ST3GAL3: variants seen among roughly 807,000 people sequenced by gnomAD.
ST3GAL3 encodes ST3 beta-galactoside alpha-2,3-sialyltransferase 3, also known as CMP-N-acetylneuraminate-beta-1,4-galactoside alpha-2,3-sialyltransferase.
Under a neutral mutation model 50.1 loss-of-function variants are expected in ST3GAL3, and 21 were observed. The observed-to-expected ratio is 0.42, with a 90% CI of 0.30 to 0.60. The LOEUF is 0.60. Among genes scored for constraint, ST3GAL3 ranks in the 20% least tolerant of loss-of-function variants. The probability of loss-of-function intolerance (pLI) is 0.19; values close to 1 mark genes in which losing one functional copy is unlikely to be tolerated. For synonymous variants in ST3GAL3, 183 were observed against 190.0 expected, an observed-to-expected ratio of 0.96 and a Z score of 0.30; for missense variants, 353 against 489.4, an observed-to-expected ratio of 0.72 and a Z score of 2.63.
chr1:43,750,999 G>A (rs1685848797), intron 2 of ST3GAL3, among the ~76,000 whole-genome samples: 2 of 152,084 alleles, frequency 1.3e-5, no homozygotes, highest in Non-Finnish European at 2.9e-5. Context: ...ATATGACAGA[G>A]AGATGATATT....
chr1:43,809,002 A>G (rs961825342), intron 3 of ST3GAL3, among the ~76,000 whole-genome samples: 1 of 152,246 alleles, frequency 6.6e-6, no homozygotes, highest in Non-Finnish European at 1.5e-5. Flanking sequence ...ACTGTTTCCA[A>G]GTGACTTAAT....
intron 4 of ST3GAL3, among the ~76,000 whole-genome samples, chr1:43,818,774 AC>A (rs1359876514): frequency 6.6e-6 from 1 of 152,188 alleles, no homozygotes; most frequent in Non-Finnish European, 1.5e-5. Flanking sequence ...TCTGAAAAAA[AC>A]AATGAACTTC....
At chr1:43,846,368 A>ATTT (rs1170582287) in intron 5 of ST3GAL3, among the ~76,000 whole-genome samples, 1 of 152,178 alleles carries the variant, frequency 6.6e-6, no homozygotes, top group African/African-American at 2.4e-5. Context: ...TGATAGTCAA[A>ATTT]TAATTATTGT....
intron 2 of ST3GAL3, among the ~76,000 whole-genome samples, chr1:43,775,605 G>A (rs767262525): frequency 3.3e-5 from 5 of 152,074 alleles, no homozygotes; most frequent in Admixed American, 1.3e-4. Context: ...CAAACACTTC[G>A]TGGGCTAAAC....
intron 5 of ST3GAL3, among the ~76,000 whole-genome samples, chr1:43,883,773 C>G (rs2075541551): frequency 6.6e-6 from 1 of 152,202 alleles, no homozygotes; most frequent in African/African-American, 2.4e-5. Context: ...TCAGCATTCT[C>G]TCTCCTTATC....
intron 1 of ST3GAL3, among the ~76,000 whole-genome samples, chr1:43,728,903 G>A (rs995457478): frequency 1.3e-5 from 2 of 151,608 alleles, no homozygotes; most frequent in Admixed American, 6.6e-5. Context: ...ATTATTGTTC[G>A]TTTTGAGACA....
chr1:43,923,788 T>A (rs1012228456), intron 11 of ST3GAL3, among the ~76,000 whole-genome samples: 1 of 152,068 alleles, frequency 6.6e-6, no homozygotes, highest in African/African-American at 2.4e-5. Flanking sequence ...TAATTTTTTT[T>A]ATTTTTTGTA....
chr1:43,867,945 G>C (rs1237910720), intron 5 of ST3GAL3, among the ~76,000 whole-genome samples: 5 of 152,170 alleles, frequency 3.3e-5, no homozygotes. Context: ...AATTATGGGA[G>C]GCTATATAGG....
At chr1:43,815,848 G>A (rs1170418820) in intron 4 of ST3GAL3, among the ~76,000 whole-genome samples, 1 of 152,132 alleles carries the variant, frequency 6.6e-6, no homozygotes, top group East Asian at 1.9e-4. Context: ...ATTGGCGTAT[G>A]TTTGTCAGGT....
chr1:43,924,210 T>C (rs1571602256), intron 11 of ST3GAL3, among the ~76,000 whole-genome samples: 1 of 152,106 alleles, frequency 6.6e-6, no homozygotes, highest in Non-Finnish European at 1.5e-5. Context: ...GAGAAGCTCA[T>C]TGTGGGTCTG....
chr1:43,927,150 C>A (rs964410275), intron 11 of ST3GAL3, among the ~76,000 whole-genome samples: 2 of 152,088 alleles, frequency 1.3e-5, no homozygotes, highest in African/African-American at 2.4e-5. Context: ...CCCAACATGG[C>A]GAAATCCTGT....
intron 2 of ST3GAL3, among the ~76,000 whole-genome samples, chr1:43,758,426 A>C (rs1688944446): frequency 1.3e-5 from 2 of 151,892 alleles, no homozygotes; most frequent in South Asian, 4.2e-4. Flanking sequence ...AATGTTTTTA[A>C]ATTTTTTGTA....
intron 1 of ST3GAL3, among the ~76,000 whole-genome samples, chr1:43,713,284 C>T (rs147056075): frequency 2.8e-4 from 42 of 152,246 alleles, no homozygotes; most frequent in Admixed American, 2.6e-4. Flanking sequence ...AATGTCATGT[C>T]TTCTTGGTTT....
At chr1:43,789,695 A>G (rs1029370393) in intron 2 of ST3GAL3, among the ~76,000 whole-genome samples, 3 of 152,062 alleles carry the variant, frequency 2.0e-5, no homozygotes. Context: ...ATATGGCAAG[A>G]TGCTCATCTC....
intron 4 of ST3GAL3, among the ~76,000 whole-genome samples, chr1:43,828,261 A>G: frequency 6.6e-6 from 1 of 152,246 alleles, no homozygotes; most frequent in East Asian, 1.9e-4. Flanking sequence ...AATGGAACCT[A>G]AATAGACTAA....
intron 4 of ST3GAL3, among the ~76,000 whole-genome samples, chr1:43,821,110 A>G (rs1417793266): frequency 1.3e-5 from 2 of 152,172 alleles, no homozygotes; most frequent in Admixed American, 6.5e-5. Flanking sequence ...AAATTCTAAG[A>G]CATAGACACA....
intron 9 of ST3GAL3, among the ~76,000 whole-genome samples, chr1:43,905,319 C>T (rs1244851766): frequency 8.7e-5 from 11 of 126,906 alleles, no homozygotes; most frequent in Non-Finnish European, 1.7e-4. Context: ...CTTTTCCTCC[C>T]CCTCCTCCTG....
intron 4 of ST3GAL3, chr1:43,831,847 A>G (rs999500233): frequency 2.0e-5 from 3 of 152,174 alleles, no homozygotes; most frequent in Non-Finnish European, 2.9e-5. Context: ...TTATAGTGTA[A>G]ACAGAACAGT....
chr1:43,881,684 C>CT (rs1159929830), intron 5 of ST3GAL3, among the ~76,000 whole-genome samples: 2 of 152,226 alleles, frequency 1.3e-5, no homozygotes, highest in Non-Finnish European at 2.9e-5. Context: ...GCCTCCCTGC[C>CT]TGTCACACAT....
Sources: gnomAD v4.1 joint callset for allele counts (sites outside exome capture counted in the v4.1 genomes callset) on GRCh38, gnomAD v4.1.1 for gene constraint, MANE v1.5 for transcripts, NCBI Gene and HGNC (gene_info 2026-07-23, HGNC 2026-07-21) for gene names.